TMEM163: variants seen among roughly 807,000 people sequenced by gnomAD.
The protein encoded by TMEM163 is transmembrane protein 163.
TMEM163 carries 17 observed loss-of-function variants against 29.3 expected under a neutral mutation model. The observed-to-expected ratio is 0.58, with a 90% CI of 0.40 to 0.87. TMEM163 has a LOEUF of 0.87. Ranked by LOEUF, TMEM163 falls within the 40% of genes least tolerant of loss-of-function variation. The probability of loss-of-function intolerance (pLI) is 0.00; values close to 1 mark genes in which losing one functional copy is unlikely to be tolerated. For missense variants in TMEM163, 303 were observed against 381.5 expected (o/e 0.79, Z 1.71); for synonymous variants, 157 against 160.6 (o/e 0.98, Z 0.17).
At chr2:134,518,730 A>G (rs1251305640) in intron 4 of TMEM163, among the ~76,000 whole-genome samples, 2 of 152,102 alleles carry the variant, frequency 1.3e-5, no homozygotes, top group Non-Finnish European at 2.9e-5. Flanking sequence ...TGACCACGAT[A>G]TCTCACCTCA....
chr2:134,554,382 C>T (rs1162959593), intron 2 of TMEM163, among the ~76,000 whole-genome samples: 1 of 145,566 alleles, frequency 6.9e-6, no homozygotes, highest in Non-Finnish European at 1.5e-5. Flanking sequence ...ACCGAGATCA[C>T]GCCACTGCCC....
chr2:134,573,496 C>G lies in TMEM163; in HGVS notation c.323-21405G>C, dbSNP rs1463508789. ...CCACTGGCTTCTAACAGGTAGAGGCCAGGAATGCTGCTAAACAGCCTACAA... is the reference window on the plus strand; with the variant it reads ...CCACTGGCTTCTAACAGGTAGAGGCGAGGAATGCTGCTAAACAGCCTACAA... On this transcript the variant is annotated intron_variant, in intron 2 of 7. Transcript: ENST00000281924. 3.3e-5 allele frequency among the ~76,000 whole-genome samples: 5 copies of G among 152,236 alleles called. No homozygotes were observed. The East Asian group carries it at 9.6e-4, about 29-fold the overall frequency.
chr2:134,504,900 T>C (rs1001375311), intron 4 of TMEM163, among the ~76,000 whole-genome samples: 2 of 152,100 alleles, frequency 1.3e-5, no homozygotes, highest in Non-Finnish European at 2.9e-5. Flanking sequence ...AATGACTACA[T>C]ACTGTAGCAA....
At chr2:134,545,242 C>CA (rs1680754287) in intron 4 of TMEM163, among the ~76,000 whole-genome samples, 1 of 152,184 alleles carries the variant, frequency 6.6e-6, no homozygotes, top group South Asian at 2.1e-4. Context: ...CCCGCACCCC[C>CA]AGGCTCCTCT....
chr2:134,598,087 G>C (rs1682131518), intron 2 of TMEM163, among the ~76,000 whole-genome samples: 1 of 152,110 alleles, frequency 6.6e-6, no homozygotes, highest in South Asian at 2.1e-4. Context: ...ATGTTTTGAA[G>C]GGTTTTTTGT....
intron 5 of TMEM163, among the ~76,000 whole-genome samples, chr2:134,501,364 G>C (rs1179805629): frequency 6.6e-6 from 1 of 152,148 alleles, no homozygotes; most frequent in Non-Finnish European, 1.5e-5. Context: ...AGTTAAAAGT[G>C]GTTCAGCTAT....
rs554344273 is a variant in TMEM163, at chr2:134,529,059, C to T, written c.458+21511G>A. Among the ~76,000 whole-genome samples the T allele has an allele frequency of 2.6e-5, 4 of 152,346 alleles. No individual in the cohort carries two copies. The South Asian group carries it at 6.2e-4, about 24-fold the overall frequency. On this transcript the variant is annotated intron_variant, in intron 4 of 7. Transcript: ENST00000281924. ...AAATGTGTACCAACCCGGCCAGATG[C>T]TATGGCTCACACCTGTAATCCCAGC...
chr2:134,513,993 G>C (rs1680002466), intron 4 of TMEM163, among the ~76,000 whole-genome samples: 1 of 152,234 alleles, frequency 6.6e-6, no homozygotes, highest in Non-Finnish European at 1.5e-5. Flanking sequence ...CCGAGCCAGT[G>C]CTCCACTCAA....
At chr2:134,559,441 G>A (rs1271379756) in intron 2 of TMEM163, among the ~76,000 whole-genome samples, 3 of 152,214 alleles carry the variant, frequency 2.0e-5, no homozygotes, top group East Asian at 3.8e-4. Context: ...ACCATGGCCA[G>A]GTTCTCAAAG....
chr2:134,629,012 T>G (rs1270023170), intron 2 of TMEM163, among the ~76,000 whole-genome samples: 1 of 152,238 alleles, frequency 6.6e-6, no homozygotes, highest in African/African-American at 2.4e-5. Flanking sequence ...GATGATCAGC[T>G]AGTTGCAAAA....
At chr2:134,522,548 T>G (rs924885605) in intron 4 of TMEM163, among the ~76,000 whole-genome samples, 1 of 152,112 alleles carries the variant, frequency 6.6e-6, no homozygotes, top group African/African-American at 2.4e-5. Flanking sequence ...CAACCAGAAA[T>G]TAGGAGGGCA....
At chr2:134,712,055 AG>A (rs1401436018) in intron 2 of TMEM163, among the ~76,000 whole-genome samples, 1 of 152,232 alleles carries the variant, frequency 6.6e-6, no homozygotes, top group African/African-American at 2.4e-5. Context: ...TTCAGGAATC[AG>A]AATTCCCCTT....
intron 2 of TMEM163, among the ~76,000 whole-genome samples, chr2:134,581,357 AT>A (rs1421194308): frequency 3.3e-5 from 5 of 152,178 alleles, no homozygotes; most frequent in Admixed American, 2.0e-4. Context: ...CAATTTTCAC[AT>A]CTTCTTCATA....
chr2:134,499,461 C>T (rs1483671555), intron 5 of TMEM163, among the ~76,000 whole-genome samples: 1 of 152,182 alleles, frequency 6.6e-6, no homozygotes, highest in Non-Finnish European at 1.5e-5. Flanking sequence ...AGCCATTTGC[C>T]CACACAGCCC....
intron 2 of TMEM163, among the ~76,000 whole-genome samples, chr2:134,669,273 AG>A (rs1227018839): frequency 6.6e-6 from 1 of 152,232 alleles, no homozygotes; most frequent in Non-Finnish European, 1.5e-5. Flanking sequence ...TTTGGGCACG[AG>A]GTCCCTTCCT....
chr2:134,673,359 C>G (rs1248839062), intron 2 of TMEM163, among the ~76,000 whole-genome samples: 2 of 152,188 alleles, frequency 1.3e-5, no homozygotes, highest in Non-Finnish European at 2.9e-5. Flanking sequence ...ACTGCACATC[C>G]TTTCATGAGT....
intron 4 of TMEM163, among the ~76,000 whole-genome samples, chr2:134,522,121 G>T (rs953504366): frequency 5.9e-5 from 9 of 151,872 alleles, no homozygotes; most frequent in Non-Finnish European, 1.3e-4. Flanking sequence ...TCTAGCGGGG[G>T]TGGGCTTAGA....
intron 2 of TMEM163, among the ~76,000 whole-genome samples, chr2:134,562,137 T>A (rs1391560027): frequency 6.6e-6 from 1 of 152,220 alleles, no homozygotes; most frequent in Middle Eastern, 3.2e-3. Context: ...TTCAGTCCAT[T>A]CTTTTTACTT....
intron 2 of TMEM163, among the ~76,000 whole-genome samples, chr2:134,667,407 C>A (rs747131394): frequency 6.6e-6 from 1 of 152,230 alleles, no homozygotes; most frequent in Non-Finnish European, 1.5e-5. Context: ...CTTCCCCCTT[C>A]TCCCTTCACC....
Sources: allele counts gnomAD v4.1 joint callset (sites outside exome capture counted in the v4.1 genomes callset), GRCh38; gene constraint gnomAD v4.1.1; transcripts MANE v1.5; gene names NCBI Gene and HGNC (gene_info 2026-07-23, HGNC 2026-07-21).